The following VPS50 variants were observed in gnomAD, a reference collection of about 807,000 sequenced individuals.
VPS50 encodes syndetin.
In VPS50, 70 loss-of-function variants were observed where a neutral mutation model predicts 139.7. That is an observed-to-expected ratio of 0.50 (90% confidence interval 0.41 to 0.61). The LOEUF is 0.61. VPS50 is among the 20% of genes least tolerant of loss of function. VPS50 has a pLI of 0.00. For synonymous variants in VPS50, 365 were observed against 376.7 expected, an observed-to-expected ratio of 0.97 and a Z score of 0.36; for missense variants, 921 against 1,133.7, an observed-to-expected ratio of 0.81 and a Z score of 2.69.
At chr7:93,351,044 G>A (rs75129335) in intron 25 of VPS50, among the ~76,000 whole-genome samples, 1 of 152,238 alleles carries the variant, frequency 6.6e-6, no homozygotes, top group African/African-American at 2.4e-5. Flanking sequence ...AGATGGTAAT[G>A]GAGTTCCTTC....
chr7:93,358,605 T>C lies in VPS50; in HGVS notation c.*169T>C. ...AATGTGTGTGGTGTTCTCATGACTTTTATATGCTGTGGTCTCTTCAACTTT... is the reference window on the plus strand; with the variant it reads ...AATGTGTGTGGTGTTCTCATGACTTCTATATGCTGTGGTCTCTTCAACTTT... On this transcript the variant is annotated 3_prime_UTR_variant, in exon 28 of 28. Coordinates refer to ENST00000305866, the MANE Select transcript of VPS50 (RefSeq NM_017667.4). 1.7e-6 allele frequency: 1 copy of C among 584,338 alleles called. No homozygotes were observed. Among genetic ancestry groups the C allele is most frequent in the Non-Finnish European group, 3.0e-6 (1 of 329,340 alleles). 36.2% of individuals were successfully genotyped at this position (584,338 alleles called of 1,614,324 possible). A position where few individuals can be genotyped will look rare whatever the true frequency, so the allele number is the denominator to read the frequency against.
At chr7:93,259,214 A>G (rs1276044025) in intron 8 of VPS50, among the ~76,000 whole-genome samples, 1 of 152,044 alleles carries the variant, frequency 6.6e-6, no homozygotes, top group Non-Finnish European at 1.5e-5. Context: ...TGTAGGCAGT[A>G]CTGAAAGAAG....
chr7:93,349,283 C>G (rs1201199595), intron 24 of VPS50, among the ~76,000 whole-genome samples: 2 of 152,108 alleles, frequency 1.3e-5, no homozygotes, highest in Non-Finnish European at 2.9e-5. Flanking sequence ...CTGAGGAAAG[C>G]TTGTTAGAGT....
chr7:93,285,437 A>T (rs1372644069), intron 12 of VPS50, among the ~76,000 whole-genome samples: 1 of 152,220 alleles, frequency 6.6e-6, no homozygotes, highest in Non-Finnish European at 1.5e-5. Context: ...AAAGTAAATT[A>T]TAGAATAAAA....
chr7:93,346,227 G>A (rs1798389622), intron 23 of VPS50, among the ~76,000 whole-genome samples: 1 of 152,108 alleles, frequency 6.6e-6, no homozygotes, highest in Non-Finnish European at 1.5e-5. Context: ...ATTCACAATT[G>A]CTTCAAAGAG....
Position 93,305,921 on chromosome 7 carries a change from C to A in VPS50, c.1546C>A (p.Gln516Lys). ...TSSKTVTLFE[Q>K]YCSGGNPFEI... is the part of the protein sequence containing the mutation. Reference sequence around the variant, plus strand: ...TTCAAAAACAGTGACCTTGTTTGAGCAGTACTGTAGTGGTGGGAATCCATT... The same window carrying A: ...TTCAAAAACAGTGACCTTGTTTGAGAAGTACTGTAGTGGTGGGAATCCATT... Residue 516 changes from glutamine (Q) to lysine (K), a missense_variant, in exon 18 of 28, where the codon CAG becomes AAG. Gln to Lys is a moderately conservative substitution (Grantham distance 53). Transcript: ENST00000305866. 6.2e-7 allele frequency: 1 copy of A among 1,611,358 alleles called. No homozygotes were observed. Among genetic ancestry groups the A allele is most frequent in the Non-Finnish European group, 8.5e-7 (1 of 1,177,740 alleles).
chr7:93,322,599 CAAAAA>C (rs71528064), intron 20 of VPS50, among the ~76,000 whole-genome samples: 1 of 66,160 alleles, frequency 1.5e-5, no homozygotes, highest in Non-Finnish European at 3.1e-5. Context: ...GACTCCGTCT[CAAAAA>C]AAAAAAAAAA....
At chr7:93,298,423 T>C (rs1796875042) in intron 16 of VPS50, among the ~76,000 whole-genome samples, 1 of 152,070 alleles carries the variant, frequency 6.6e-6, no homozygotes, top group Non-Finnish European at 1.5e-5. Context: ...TAATCATGGA[T>C]GGGGAAATAA....
At chr7:93,334,046 T>C (rs1164482065) in intron 21 of VPS50, 71 bp from the exon 22 acceptor site, 2 of 860,750 alleles carry the variant, frequency 2.3e-6, no homozygotes, top group Non-Finnish European at 3.9e-6. Context: ...TCAAATATCT[T>C]GGTTAATTTG....
intron 9 of VPS50, among the ~76,000 whole-genome samples, chr7:93,263,926 A>G (rs2116858480): frequency 6.6e-6 from 1 of 152,316 alleles, no homozygotes; most frequent in Non-Finnish European, 1.5e-5. Context: ...AAAATAATAC[A>G]ATATAACTGT....
intron 24 of VPS50, among the ~76,000 whole-genome samples, 156 bp downstream of exon 24, chr7:93,348,963 T>C (rs1798481154): frequency 6.6e-6 from 1 of 152,204 alleles, no homozygotes; most frequent in Non-Finnish European, 1.5e-5. Flanking sequence ...AATTCCTACA[T>C]TAAATACATA....
rs576697573 is a variant in VPS50, at chr7:93,288,566, C to A, written c.943-3137C>A. On this transcript the variant is annotated intron_variant, in intron 12 of 27. Transcript: ENST00000305866. ...TGTTAGATCGTGACAAATTCCCCTC[C>A]TTGGGATTGTACTATTTTGCATCAG... Among the ~76,000 whole-genome samples, 48 of 152,244 alleles carry A rather than the reference C, an allele frequency of 3.2e-4. No individual in the cohort carries two copies. In the East Asian group the frequency reaches 8.3e-3, roughly 26 times the overall value.
In VPS50 at chr7:93,252,397, T is replaced by C. The variant is rs868682208; in HGVS notation, c.103-256T>C. 7.9e-5 allele frequency among the ~76,000 whole-genome samples: 12 copies of C among 152,182 alleles called. No homozygotes were observed. The South Asian group carries it at 1.2e-3, about 16-fold the overall frequency. On this transcript the variant is annotated intron_variant, in intron 2 of 27. Transcript: ENST00000305866. ...CTTTTGTTGGACATTAAAATTTTTA[T>C]CAACCTTGTTGATGTGCAAGGAATT...
chr7:93,353,754 G>A lies in VPS50; in HGVS notation c.2578G>A (p.Val860Ile). 2 of 1,601,748 alleles carry A rather than the reference G, an allele frequency of 1.2e-6. No individual in the cohort carries two copies. Among genetic ancestry groups the A allele is most frequent in the Non-Finnish European group, 1.7e-6 (2 of 1,174,940 alleles). The change falls in exon 26 of 28, where the codon GTA (valine) becomes ATA (isoleucine). Residue 860 changes from valine to isoleucine, a missense_variant. This residue lies in a region of VPS50 where 158 missense variants were observed against 156.3 expected (regional missense o/e 1.01). Transcript: ENST00000305866. ...HCIRLANRTI[V>I]EGYANVKKCS... ...TATACGATTGGCTAATCGAACTATTGTAGAAGGGTAAGTTTTTCATGAAAG... is the reference window on the plus strand; with the variant it reads ...TATACGATTGGCTAATCGAACTATTATAGAAGGGTAAGTTTTTCATGAAAG...
chr7:93,330,538 G>T (rs768000576), intron 21 of VPS50, among the ~76,000 whole-genome samples: 2 of 152,084 alleles, frequency 1.3e-5, no homozygotes, highest in Non-Finnish European at 2.9e-5. Context: ...AGGGTCACTT[G>T]AGCCCAGAAG....
intron 11 of VPS50, 107 bp downstream of exon 11, chr7:93,272,840 A>G (rs966399487): frequency 7.0e-6 from 4 of 571,822 alleles, no homozygotes; most frequent in Non-Finnish European, 1.2e-5. Context: ...GTTTTATTTA[A>G]CGAAGTACAT....
intron 2 of VPS50, among the ~76,000 whole-genome samples, chr7:93,247,001 CTAATA>C (rs1289589159): frequency 6.6e-6 from 1 of 151,788 alleles, no homozygotes; most frequent in African/African-American, 2.4e-5. Flanking sequence ...ACTTAAATCT[CTAATA>C]TGATTGTTTT....
At chr7:93,338,454 C>T (rs546230467) in intron 22 of VPS50, among the ~76,000 whole-genome samples, 2 of 152,048 alleles carry the variant, frequency 1.3e-5, no homozygotes, top group African/African-American at 4.8e-5. Context: ...AAGAAGATCC[C>T]TAAAGGAAAT....
At chr7:93,238,319 C>T (rs1001551887) in intron 1 of VPS50, among the ~76,000 whole-genome samples, 6 of 151,024 alleles carry the variant, frequency 4.0e-5, no homozygotes. Flanking sequence ...TTCCAGCGAG[C>T]ATTCCTAGAA....
Sources: allele counts gnomAD v4.1 joint callset (sites outside exome capture counted in the v4.1 genomes callset), GRCh38; gene constraint gnomAD v4.1.1; regional missense constraint gnomAD v4.1.1; transcripts MANE v1.5; gene names NCBI Gene and HGNC (gene_info 2026-07-23, HGNC 2026-07-21).